The following UGT2B7 variants were observed in gnomAD, a reference collection of about 807,000 sequenced individuals.
UGT2B7 encodes UDP glucuronosyltransferase family 2 member B7, also known as UDP-glucuronosyltransferase 2B7.
In UGT2B7, 51 loss-of-function variants were observed where a neutral mutation model predicts 51.9. That is an observed-to-expected ratio of 0.98 (90% CI 0.78 to 1.24). UGT2B7 has a LOEUF of 1.24. UGT2B7 is among the 50% of genes most tolerant of loss of function. UGT2B7 has a pLI of 0.00. For synonymous variants in UGT2B7, 225 were observed against 211.6 expected, an observed-to-expected ratio of 1.06 and a Z score of -0.55; for missense variants, 727 against 628.4, an observed-to-expected ratio of 1.16 and a Z score of -1.68.
At chr4:69,095,962 A>G, upstream of UGT2B7, among the ~76,000 whole-genome samples, 1 of 152,170 alleles carries the variant, frequency 6.6e-6, no homozygotes, top group East Asian at 1.9e-4. Context: ...CTAGGGGTGG[A>G]GAGAAAAAGG....
intron 1 of UGT2B7, among the ~76,000 whole-genome samples, chr4:69,083,526 CTT>C (rs1315731089): frequency 6.6e-6 from 1 of 152,012 alleles, no homozygotes; most frequent in African/African-American, 2.4e-5. Context: ...GAGTTCAAGA[CTT>C]TATAACTACA....
At chr4:69,078,933 A>T (rs1718776195) in intron 1 of UGT2B7, among the ~76,000 whole-genome samples, 2 of 152,300 alleles carry the variant, frequency 1.3e-5, no homozygotes, top group East Asian at 1.9e-4. Context: ...CTGGGATAAC[A>T]GGAGGCTGCA....
intron 1 of UGT2B7, among the ~76,000 whole-genome samples, chr4:69,067,074 T>G (rs911271554): frequency 5.3e-5 from 8 of 152,084 alleles, no homozygotes; most frequent in Non-Finnish European, 1.0e-4. Flanking sequence ...GCATCCTGCT[T>G]CTTTTGTGGG....
intron 1 of UGT2B7, among the ~76,000 whole-genome samples, chr4:69,079,066 A>C (rs928224833): frequency 2.6e-5 from 4 of 152,088 alleles, no homozygotes; most frequent in African/African-American, 9.7e-5. Flanking sequence ...GTTTCCTGGG[A>C]CAATAGGAAG....
rs1577930414 is a variant in UGT2B7, at chr4:69,112,845, A to G, written c.*109A>G. On this transcript the variant is annotated 3_prime_UTR_variant, in exon 6 of 6. Coordinates refer to ENST00000305231, the MANE Select transcript of UGT2B7 (RefSeq NM_001074.4). ...TTCTTTCTTCCTGAGACAAAAAAAA[A>G]AAAAGAAAAAAAAATCTTTTCAAAA... 2 of 1,394,604 alleles carry G rather than the reference A, an allele frequency of 1.4e-6. No individual in the cohort carries two copies. Among genetic ancestry groups the G allele is most frequent in the East Asian group, 5.2e-5 (2 of 38,136 alleles). The allele number at this position is 1,394,604 out of a possible 1,614,324, so 86.4% of individuals were successfully genotyped here. A position where few individuals can be genotyped will look rare whatever the true frequency, so the allele number is the denominator to read the frequency against.
At chr4:69,066,859 A>T (rs10033045) in intron 1 of UGT2B7, among the ~76,000 whole-genome samples, 27,887 of 151,800 alleles carry the variant, frequency 0.18, 2,850 homozygotes, top group Admixed American at 0.3. Flanking sequence ...ATGACAGCTC[A>T]TTTTCATGAT....
At position 69,112,438 on chromosome 4, in the gene UGT2B7, CTT is replaced by C. The variant is rs1719800894; in HGVS notation, c.1311-17_1311-16del. ...GTAACTCTTCCTGCTACATTACTGT[CTT>C]TATTTTTATCTTTCAGATATAAAGA... On this transcript the variant is annotated splice_polypyrimidine_tract_variant and intron_variant, in intron 5 of 5. Coordinates refer to ENST00000305231, the MANE Select transcript of UGT2B7 (RefSeq NM_001074.4). The C allele has an allele frequency of 1.2e-6, 2 of 1,608,380 alleles. No individual in the cohort carries two copies. The highest frequency in any genetic ancestry group is 1.3e-5 in the African/African-American group (1 of 74,494).
intron 2 of UGT2B7, among the ~76,000 whole-genome samples, chr4:69,091,338 G>A (rs1719079990): frequency 6.6e-6 from 1 of 151,976 alleles, no homozygotes; most frequent in African/African-American, 2.4e-5. Flanking sequence ...GTTTTGTGTG[G>A]AATGAAAGAA....
chr4:69,085,489 T>C (rs955993646), intron 1 of UGT2B7, among the ~76,000 whole-genome samples: 2 of 152,144 alleles, frequency 1.3e-5, no homozygotes, highest in African/African-American at 4.8e-5. Context: ...TTTGTCAATT[T>C]TGACTTTGTT....
At chr4:69,062,104 A>G (rs187316316) in intron 1 of UGT2B7, among the ~76,000 whole-genome samples, 5 of 152,318 alleles carry the variant, frequency 3.3e-5, no homozygotes, top group African/African-American at 1.2e-4. Context: ...TACCAGCCTC[A>G]GTGCTCAGTA....
chr4:69,099,949 A>C (rs1719370972), intron 2 of UGT2B7, among the ~76,000 whole-genome samples: 1 of 152,002 alleles, frequency 6.6e-6, no homozygotes, highest in Non-Finnish European at 1.5e-5. Flanking sequence ...CTAAAATTCT[A>C]CCATAGGTAA....
intron 1 of UGT2B7, among the ~76,000 whole-genome samples, chr4:69,052,108 CT>C (rs1718034645): frequency 6.6e-6 from 1 of 151,966 alleles, no homozygotes; most frequent in Non-Finnish European, 1.5e-5. Flanking sequence ...AAACTTAGAG[CT>C]TTGTGTGAAA....
intron 2 of UGT2B7, among the ~76,000 whole-genome samples, chr4:69,100,174 C>T (rs910281164): frequency 4.6e-5 from 7 of 152,052 alleles, no homozygotes; most frequent in Admixed American, 1.3e-4. Context: ...ATTAAAGCTT[C>T]CTGTGGGAAC....
intron 1 of UGT2B7, among the ~76,000 whole-genome samples, chr4:69,053,493 T>C (rs1372008944): frequency 6.6e-6 from 1 of 152,252 alleles, no homozygotes. Context: ...CCAGAGGCCC[T>C]AATTGTCCCC....
At chr4:69,067,106 G>T (rs2109866503) in intron 1 of UGT2B7, among the ~76,000 whole-genome samples, 1 of 152,120 alleles carries the variant, frequency 6.6e-6, no homozygotes, top group African/African-American at 2.4e-5. Flanking sequence ...ATGGGAAATG[G>T]GTGACACACA....
chr4:69,084,330 T>TTCTCTCTCTCTCTCTCTCTCTCTCTCTC (rs71204073), intron 1 of UGT2B7, among the ~76,000 whole-genome samples: 9 of 148,124 alleles, frequency 6.1e-5, no homozygotes, highest in African/African-American at 2.3e-4. Context: ...TCTATAAATT[T>TTCTCTCTCTCTCTCTCTCTCTCTCTCTC]TCTCTCTCTC....
At chr4:69,103,517 A>G (rs1156556059) in intron 3 of UGT2B7, among the ~76,000 whole-genome samples, 1 of 152,206 alleles carries the variant, frequency 6.6e-6, no homozygotes, top group Non-Finnish European at 1.5e-5. Context: ...CATACTGCTG[A>G]ATTTAACTCA....
chr4:69,097,057 T>G lies in UGT2B7; in HGVS notation c.537T>G (p.Thr179=). The G allele has an allele frequency of 6.2e-7, 1 of 1,613,824 alleles. No individual in the cohort carries two copies. Among genetic ancestry groups the G allele is most frequent in the Non-Finnish European group, 8.5e-7 (1 of 1,179,782 alleles). Residue 179 remains threonine, a synonymous_variant, in exon 1 of 6, where the codon ACT becomes ACG. Transcript: ENST00000305231. ...GTCTCAGCTTCTCTCCTGGCTACAC[T>G]TTTGAAAAGCATAGTGGAGGATTTA... ...VYSLSFSPGY[T]FEKHSGGFIF...
At chr4:69,072,981 A>C (rs1362286484) in intron 1 of UGT2B7, among the ~76,000 whole-genome samples, 2 of 152,014 alleles carry the variant, frequency 1.3e-5, no homozygotes, top group African/African-American at 2.4e-5. Flanking sequence ...AAAGTGGGGG[A>C]ATGTAGAGGT....
Sources: allele counts gnomAD v4.1 joint callset (sites outside exome capture counted in the v4.1 genomes callset), GRCh38; gene constraint gnomAD v4.1.1; transcripts MANE v1.5; gene names NCBI Gene and HGNC (gene_info 2026-07-23, HGNC 2026-07-21).